Variants in TMEM114 observed in about 807,000 individuals in gnomAD.
TMEM114 encodes the protein transmembrane protein 114, also known as claudin-26.
A neutral mutation model predicts 6.2 loss-of-function variants in TMEM114; 6 were observed. The ratio of observed to expected loss-of-function variants is 0.97; its 90% CI spans 0.53 to 1.91. The LOEUF is 1.91. Among genes scored for constraint, TMEM114 ranks in the 40% most tolerant of loss-of-function variants. TMEM114 has a pLI of 0.01. For missense variants in TMEM114, 218 were observed against 158.3 expected, an observed-to-expected ratio of 1.38 and a Z score of -2.02; for synonymous variants, 104 against 73.0, an observed-to-expected ratio of 1.42 and a Z score of -2.16.
chr16:8,531,356 AC>A, the TMEM114 span, among the ~76,000 whole-genome samples: 1 of 152,218 alleles, frequency 6.6e-6, no homozygotes, highest in East Asian at 1.9e-4. Context: ...TAAAACCACA[AC>A]ACATAACTTA....
At chr16:8,548,171 C>T (rs1036751208) in intron 2 of TMEM114, among the ~76,000 whole-genome samples, 8 of 152,184 alleles carry the variant, frequency 5.3e-5, no homozygotes, top group Non-Finnish European at 7.4e-5. Context: ...CCCCTATTAA[C>T]GGTGGGACCC....
chr16:8,585,494 G>T (rs796335965), intron 2 of TMEM114, among the ~76,000 whole-genome samples: 1 of 152,150 alleles, frequency 6.6e-6, no homozygotes, highest in Non-Finnish European at 1.5e-5. Flanking sequence ...GCTGCTTGTC[G>T]AACGTGCTGC....
rs556495761 is a variant in TMEM114, at chr16:8,542,420, A to G, written n.213-4594T>C. Among the ~76,000 whole-genome samples the G allele has an allele frequency of 2.6e-5, 4 of 152,306 alleles. No homozygotes were observed. The South Asian group carries it at 8.3e-4, about 32-fold the overall frequency. ...GGGTCTCCCTTAGTCATCCCAGGTC[A>G]TTTTAAATTCCCAAGTCTGCTCCTC... On this transcript the variant is annotated intron_variant and non_coding_transcript_variant, in intron 2 of 2. Coordinates refer to the TMEM114 transcript ENST00000623677.
chr16:8,559,369 C>G (rs1901127757), intron 2 of TMEM114, among the ~76,000 whole-genome samples: 1 of 152,082 alleles, frequency 6.6e-6, no homozygotes, highest in African/African-American at 2.4e-5. Flanking sequence ...CTGAGACTAG[C>G]TGCTTCCATC....
intron 2 of TMEM114, among the ~76,000 whole-genome samples, chr16:8,572,820 G>A (rs978330276): frequency 3.9e-5 from 6 of 152,198 alleles, no homozygotes; most frequent in African/African-American, 1.4e-4. Flanking sequence ...CAGGGTGTTA[G>A]GAAGAACTTG....
At chr16:8,536,042 G>C (rs755350463), downstream of TMEM114, among the ~76,000 whole-genome samples, 1 of 151,964 alleles carries the variant, frequency 6.6e-6, no homozygotes, top group Non-Finnish European at 1.5e-5. Context: ...CCTGTCCAAC[G>C]TTGTGAAACC....
At chr16:8,557,905 A>G (rs948745183) in intron 2 of TMEM114, among the ~76,000 whole-genome samples, 1 of 152,236 alleles carries the variant, frequency 6.6e-6, no homozygotes. Context: ...ACCACAAATT[A>G]GGTGGCTTAA....
intron 2 of TMEM114, among the ~76,000 whole-genome samples, chr16:8,556,955 G>A (rs1213500647): frequency 6.6e-6 from 1 of 152,268 alleles, no homozygotes; most frequent in Middle Eastern, 3.4e-3. Context: ...TTCTTGCTAA[G>A]GATGCAAATA....
Position 8,545,255 on chromosome 16 carries a change from T to G in TMEM114, n.213-7429A>C, listed in dbSNP as rs150916319. On this transcript the variant is annotated intron_variant and non_coding_transcript_variant, in intron 2 of 2. Transcript: ENST00000623677. ...GAGTCCAAGACCAACCTGGGCAACA[T>G]AGCAAGAGCCCTTATCTACAAAAAA... Among the ~76,000 whole-genome samples the G allele has an allele frequency of 1.4e-3, 212 of 152,206 alleles. 1 individual carries two copies. Among genetic ancestry groups the G allele is most frequent in the Admixed American group, 3.5e-3 (54 of 15,274 alleles).
Position 8,569,885 on chromosome 16 carries a change from C to A in TMEM114, c.560G>T (p.Trp187Leu), listed in dbSNP as rs1901670486. ...LLDQVDISFG[W>L]SLALGWISFI... ...GCTGATCCAGCCCAGGGCCAGGGACCAGCCGAAGCTGATGTCCACCTGGTC... is the reference window on the plus strand; with the variant it reads ...GCTGATCCAGCCCAGGGCCAGGGACAAGCCGAAGCTGATGTCCACCTGGTC... Residue 187 changes from tryptophan to leucine, a missense_variant, in exon 4 of 4, where the codon TGG (tryptophan) becomes TTG (leucine). Trp to Leu is a moderately conservative substitution (Grantham distance 61, BLOSUM62 -2). Transcript: ENST00000620492. 1.3e-6 allele frequency: 2 copies of A among 1,551,118 alleles called. No homozygotes were observed. The highest frequency in any genetic ancestry group is 1.4e-5 in the African/African-American group (1 of 73,058).
At chr16:8,578,256 G>C (rs973020538) in intron 2 of TMEM114, among the ~76,000 whole-genome samples, 5 of 152,108 alleles carry the variant, frequency 3.3e-5, no homozygotes, top group Non-Finnish European at 5.9e-5. Flanking sequence ...TACAGTTCTG[G>C]AGGCCAGAAG....
At chr16:8,554,035 C>T (rs920446220) in intron 2 of TMEM114, among the ~76,000 whole-genome samples, 4 of 152,104 alleles carry the variant, frequency 2.6e-5, no homozygotes, top group East Asian at 1.9e-4. Flanking sequence ...TGCGCCACCA[C>T]ACCCAGTTAA....
chr16:8,549,237 CACCTATA>C (rs946505369), intron 2 of TMEM114, among the ~76,000 whole-genome samples: 5 of 144,136 alleles, frequency 3.5e-5, no homozygotes, highest in African/African-American at 1.3e-4. Context: ...TGGTGGCTCA[CACCTATA>C]ATCCTAGCAC....
intron 2 of TMEM114, among the ~76,000 whole-genome samples, chr16:8,546,983 G>A (rs1182237275): frequency 6.6e-6 from 1 of 152,142 alleles, no homozygotes; most frequent in Non-Finnish European, 1.5e-5. Context: ...CTGAGCCTTG[G>A]GTAAAGGTAT....
At chr16:8,574,841 A>G (rs1452094403) in intron 2 of TMEM114, among the ~76,000 whole-genome samples, 3 of 152,106 alleles carry the variant, frequency 2.0e-5, no homozygotes, top group Non-Finnish European at 2.9e-5. Context: ...ACGCCTGGGT[A>G]AGAGCAAGCC....
At chr16:8,534,912 G>A (rs903666268), downstream of TMEM114, among the ~76,000 whole-genome samples, 1 of 152,196 alleles carries the variant, frequency 6.6e-6, no homozygotes, top group African/African-American at 2.4e-5. Flanking sequence ...AAAGTAACAT[G>A]TGCCCAGCAC....
downstream of TMEM114, among the ~76,000 whole-genome samples, chr16:8,537,202 C>G (rs1900385891): frequency 6.6e-6 from 1 of 151,842 alleles, no homozygotes; most frequent in African/African-American, 2.4e-5. Flanking sequence ...GAGATCCTGT[C>G]TCAAAAAACA....
chr16:8,530,090 T>G, the TMEM114 span, among the ~76,000 whole-genome samples: 3 of 152,206 alleles, frequency 2.0e-5, no homozygotes, highest in Non-Finnish European at 2.9e-5. Context: ...GTCATCCCAG[T>G]TAACAAACTG....
downstream of TMEM114, among the ~76,000 whole-genome samples, chr16:8,566,431 G>C (rs950157697): frequency 6.6e-6 from 1 of 150,546 alleles, no homozygotes; most frequent in African/African-American, 2.4e-5. Flanking sequence ...TGATGGATCA[G>C]AATAGAAGAG....
Sources: allele counts gnomAD v4.1 joint callset (sites outside exome capture counted in the v4.1 genomes callset), GRCh38; gene constraint gnomAD v4.1.1; transcripts MANE v1.5; gene names NCBI Gene and HGNC (gene_info 2026-07-23, HGNC 2026-07-21).